Variants in PTGER3 observed in about 807,000 individuals in gnomAD.
The protein encoded by PTGER3 is prostaglandin E receptor 3.
PTGER3 carries 22 observed loss-of-function variants against 34.7 expected under a neutral mutation model. The ratio of observed to expected loss-of-function variants is 0.63; its 90% confidence interval spans 0.45 to 0.91. PTGER3 has a LOEUF of 0.91. PTGER3 is among the 40% of genes least tolerant of loss of function. The pLI, the probability that PTGER3 is intolerant of heterozygous loss-of-function variation, is 0.00. For missense variants in PTGER3, 468 were observed against 519.4 expected, an observed-to-expected ratio of 0.90 and a Z score of 0.96; for synonymous variants, 241 against 230.1, an observed-to-expected ratio of 1.05 and a Z score of -0.43.
intron 1 of PTGER3, among the ~76,000 whole-genome samples, chr1:71,034,236 T>C (rs373624096): frequency 1.3e-5 from 2 of 152,186 alleles, no homozygotes; most frequent in East Asian, 3.8e-4. Context: ...GGAAAAACTG[T>C]TAAAGTTTTT....
At chr1:70,989,938 T>A (rs1655278297) in intron 2 of PTGER3, among the ~76,000 whole-genome samples, 1 of 151,752 alleles carries the variant, frequency 6.6e-6, no homozygotes, top group South Asian at 2.1e-4. Context: ...CATATATACA[T>A]GTATTTGTAA....
At chr1:70,854,764 G>A (rs888671450) in intron 4 of PTGER3, among the ~76,000 whole-genome samples, 5 of 152,186 alleles carry the variant, frequency 3.3e-5, no homozygotes, top group Non-Finnish European at 5.9e-5. Flanking sequence ...GTCTCAGGTA[G>A]TTCTTTATAG....
chr1:70,959,572 G>C (rs944819718), intron 2 of PTGER3, among the ~76,000 whole-genome samples: 1 of 152,192 alleles, frequency 6.6e-6, no homozygotes, highest in Admixed American at 6.5e-5. Flanking sequence ...TATTGGCGAG[G>C]CTGGTTTTGA....
At chr1:70,967,456 A>C (rs1652646975), downstream of PTGER3, among the ~76,000 whole-genome samples, 1 of 152,186 alleles carries the variant, frequency 6.6e-6, no homozygotes, top group Non-Finnish European at 1.5e-5. Context: ...TATCTTGTAC[A>C]AATTACCTTA....
intron 1 of PTGER3, among the ~76,000 whole-genome samples, chr1:71,029,573 G>A (rs886264779): frequency 6.6e-6 from 1 of 152,142 alleles, no homozygotes; most frequent in Non-Finnish European, 1.5e-5. Flanking sequence ...TTATAACTGT[G>A]CATAATTAAG....
At chr1:70,949,552 A>G (rs1181146545), downstream of PTGER3, among the ~76,000 whole-genome samples, 2 of 152,166 alleles carry the variant, frequency 1.3e-5, no homozygotes, top group South Asian at 2.1e-4. Context: ...GTCATGATGG[A>G]TTTTGTAAGC....
chr1:70,865,659 T>A (rs1200762250), intron 4 of PTGER3: 5 of 1,363,636 alleles, frequency 3.7e-6, no homozygotes, highest in Non-Finnish European at 4.9e-6. Flanking sequence ...TAAAAAGTCC[T>A]GTACTTGGCA....
rs34358551 is a variant in PTGER3, at chr1:70,994,461, A to ATT, written c.1077+17842_1077+17843dup. Among the ~76,000 whole-genome samples the ATT allele has an allele frequency of 5.3e-3, 785 of 148,472 alleles. 2 individuals are homozygous for ATT. Among genetic ancestry groups the ATT allele is most frequent in the African/African-American group, 0.016 (637 of 40,426 alleles). ...CAATGTGGTAAGTCTGTAAACCTTA[A>ATT]TTTTTTTTTTTTTGAGACAGAGTTT... On this transcript the variant is annotated intron_variant, in intron 2 of 3. Coordinates refer to ENST00000306666, the MANE Select transcript of PTGER3 (RefSeq NM_198719.2).
intron 4 of PTGER3, among the ~76,000 whole-genome samples, chr1:70,911,075 A>T (rs1647050718): frequency 2.2e-5 from 3 of 137,724 alleles, no homozygotes; most frequent in Admixed American, 1.5e-4. Context: ...GCGAGACTCC[A>T]TTTAAAAAAA....
intron 4 of PTGER3, among the ~76,000 whole-genome samples, chr1:70,938,143 T>C (rs1318744225): frequency 6.6e-6 from 1 of 152,142 alleles, no homozygotes; most frequent in Non-Finnish European, 1.5e-5. Context: ...TTAGCAAAAG[T>C]CTTATTTTAA....
intron 4 of PTGER3, among the ~76,000 whole-genome samples, chr1:70,897,987 T>G (rs1053917406): frequency 6.7e-6 from 1 of 149,940 alleles, no homozygotes; most frequent in Non-Finnish European, 1.5e-5. Flanking sequence ...TTTGAACATG[T>G]GGTCCTCACT....
chr1:71,013,251 A>G (rs886639529), intron 1 of PTGER3, among the ~76,000 whole-genome samples: 3 of 152,204 alleles, frequency 2.0e-5, no homozygotes, highest in Non-Finnish European at 4.4e-5. Flanking sequence ...ATTTGAAGGA[A>G]TATATTATAC....
intron 4 of PTGER3, among the ~76,000 whole-genome samples, chr1:70,907,099 G>C (rs1572612994): frequency 6.6e-6 from 1 of 152,304 alleles, no homozygotes; most frequent in Admixed American, 6.5e-5. Flanking sequence ...TGCCTATAAT[G>C]ACCAAATGTC....
At chr1:71,038,893 G>A (rs1392563444) in intron 1 of PTGER3, among the ~76,000 whole-genome samples, 1 of 152,188 alleles carries the variant, frequency 6.6e-6, no homozygotes, top group Admixed American at 6.5e-5. Flanking sequence ...AGACAACTGA[G>A]GGAGAGACTC....
At chr1:70,863,432 C>T (rs935366680) in intron 4 of PTGER3, among the ~76,000 whole-genome samples, 1 of 152,100 alleles carries the variant, frequency 6.6e-6, no homozygotes, top group African/African-American at 2.4e-5. Context: ...GACTAATAAT[C>T]CAGATGTAGC....
At chr1:70,870,249 A>G (rs1473195665) in intron 4 of PTGER3, among the ~76,000 whole-genome samples, 1 of 152,236 alleles carries the variant, frequency 6.6e-6, no homozygotes, top group Non-Finnish European at 1.5e-5. Flanking sequence ...GTGCTGGAGC[A>G]GCCAGGATGC....
At chr1:71,034,241 G>A (rs1045881198) in intron 1 of PTGER3, among the ~76,000 whole-genome samples, 3 of 152,056 alleles carry the variant, frequency 2.0e-5, no homozygotes, top group Non-Finnish European at 4.4e-5. Context: ...AACTGTTAAA[G>A]TTTTTAAACC....
rs1230757090 is a variant in PTGER3, at chr1:71,047,201, G to A, written c.377C>T (p.Ser126Leu). Reference sequence around the variant, plus strand: ...CCCGAAAAAGGTGCAGAGCCGCCCCGACGGGTCGATGTGCTCCCAACGCTG... The same window carrying A: ...CCCGAAAAAGGTGCAGAGCCGCCCCAACGGGTCGATGTGCTCCCAACGCTG... ...SKQRWEHIDP[S>L]GRLCTFFGLT... Residue 126 changes from serine to leucine, a missense_variant, in exon 1 of 4, where the codon TCG (serine) becomes TTG (leucine). Coordinates refer to ENST00000306666, the MANE Select transcript of PTGER3 (RefSeq NM_198719.2). The A allele has an allele frequency of 1.3e-6, 2 of 1,598,656 alleles. No individual in the cohort carries two copies. The highest frequency in any genetic ancestry group is 1.7e-5 in the Admixed American group (1 of 57,246).
chr1:71,037,910 G>A lies in PTGER3; in HGVS notation c.897+8771C>T, dbSNP rs116926939. 2.0e-5 allele frequency among the ~76,000 whole-genome samples: 3 copies of A among 152,320 alleles called. No individual in the cohort carries two copies. In the East Asian group the frequency reaches 5.8e-4, roughly 29 times the overall value. On this transcript the variant is annotated intron_variant, in intron 1 of 3. Transcript: ENST00000306666. ...GTCACTTAATCACTGATGCTACTCT[G>A]TGGCTGAGGAGCTGGCTGTTGAGGC... is the stretch of plus-strand genomic sequence containing the variant.
Sources: gnomAD v4.1 joint callset for allele counts (sites outside exome capture counted in the v4.1 genomes callset) on GRCh38, gnomAD v4.1.1 for gene constraint, MANE v1.5 for transcripts, NCBI Gene and HGNC (gene_info 2026-07-23, HGNC 2026-07-21) for gene names.